Variants in SPIDR observed in about 807,000 individuals in gnomAD.
SPIDR encodes DNA repair-scaffolding protein.
A neutral mutation model predicts 104.6 loss-of-function variants in SPIDR; 93 were observed. The ratio of observed to expected loss-of-function variants is 0.89; its 90% CI spans 0.75 to 1.06. SPIDR has a LOEUF of 1.06. SPIDR is among the 50% of genes least tolerant of loss of function. The probability of loss-of-function intolerance (pLI) is 0.00; values close to 1 mark genes in which losing one functional copy is unlikely to be tolerated. For missense variants in SPIDR, 1,154 were observed against 1,111.2 expected, an observed-to-expected ratio of 1.04 and a Z score of -0.55; for synonymous variants, 431 against 416.9, an observed-to-expected ratio of 1.03 and a Z score of -0.41.
chr8:47,372,928 C>A (rs1554639886), intron 5 of SPIDR, among the ~76,000 whole-genome samples: 1 of 152,244 alleles, frequency 6.6e-6, no homozygotes, highest in African/African-American at 2.4e-5. Flanking sequence ...TAACAGAACA[C>A]TATGCCTGAA....
chr8:47,271,326 A>G (rs934748345), intron 1 of SPIDR, among the ~76,000 whole-genome samples: 5 of 151,910 alleles, frequency 3.3e-5, no homozygotes, highest in Non-Finnish European at 7.4e-5. Context: ...CTTCCTTCTG[A>G]GACTCTTATT....
chr8:47,490,737 A>G (rs1243711427), intron 8 of SPIDR, among the ~76,000 whole-genome samples: 2 of 152,220 alleles, frequency 1.3e-5, no homozygotes, highest in African/African-American at 2.4e-5. Context: ...TCAGCAAACT[A>G]TCGCAAGGAC....
At chr8:47,499,443 C>A (rs1441679909) in intron 8 of SPIDR, among the ~76,000 whole-genome samples, 1 of 152,084 alleles carries the variant, frequency 6.6e-6, no homozygotes, top group East Asian at 1.9e-4. Flanking sequence ...TGGAATGGCT[C>A]TAGAACCACT....
At chr8:47,412,806 T>C (rs59053481) in intron 7 of SPIDR, among the ~76,000 whole-genome samples, 4,737 of 152,306 alleles carry the variant, frequency 0.031, 205 homozygotes, top group African/African-American at 0.1. Context: ...TGACCACTGT[T>C]TCTTATAATC....
At chr8:47,293,777 A>G (rs980518512) in intron 4 of SPIDR, 90 bp from the exon 5 acceptor site, 1 of 1,322,210 alleles carries the variant, frequency 7.6e-7, no homozygotes, top group Non-Finnish European at 1.0e-6. Flanking sequence ...TTATTGAGTG[A>G]CATGGATATA....
chr8:47,490,567 T>C (rs562857401), intron 8 of SPIDR, among the ~76,000 whole-genome samples: 11 of 152,318 alleles, frequency 7.2e-5, no homozygotes, highest in African/African-American at 2.6e-4. Context: ...TGTGGCACTA[T>C]TCACAGTAGC....
At chr8:47,407,408 T>C (rs974323195) in intron 6 of SPIDR, among the ~76,000 whole-genome samples, 4 of 152,338 alleles carry the variant, frequency 2.6e-5, no homozygotes, top group Admixed American at 2.6e-4. Context: ...TACATTTCTT[T>C]GCTCCTATGT....
chr8:47,598,880 GCTT>G, intron 9 of SPIDR, 63 bp from the exon 10 acceptor site: 1 of 1,596,372 alleles, frequency 6.3e-7, no homozygotes, highest in Non-Finnish European at 8.6e-7. Flanking sequence ...GCAGCATGTT[GCTT>G]GTTGTTAGCC....
chr8:47,485,508 T>C (rs1554730449), intron 8 of SPIDR, among the ~76,000 whole-genome samples: 1 of 152,152 alleles, frequency 6.6e-6, no homozygotes, highest in Admixed American at 6.5e-5. Flanking sequence ...AGAGCAGTGG[T>C]TCTCCCAGCA....
intron 8 of SPIDR, among the ~76,000 whole-genome samples, chr8:47,449,401 G>T (rs1370782897): frequency 6.6e-6 from 1 of 152,156 alleles, no homozygotes; most frequent in Non-Finnish European, 1.5e-5. Context: ...AGCTCGTCTG[G>T]GTTTTTAGTA....
chr8:47,525,529 G>A (rs1564227624), intron 8 of SPIDR, among the ~76,000 whole-genome samples: 2 of 53,742 alleles, frequency 3.7e-5, no homozygotes, highest in Non-Finnish European at 9.1e-5. Context: ...AGCTGGGCGC[G>A]GTGGCTCACG....
At chr8:47,415,309 G>T (rs1182713901) in intron 7 of SPIDR, among the ~76,000 whole-genome samples, 1 of 152,044 alleles carries the variant, frequency 6.6e-6, no homozygotes, top group Non-Finnish European at 1.5e-5. Flanking sequence ...GTTTCCCCCG[G>T]TAATGACATC....
chr8:47,662,263 G>A (rs1370605681), intron 10 of SPIDR, among the ~76,000 whole-genome samples: 1 of 152,216 alleles, frequency 6.6e-6, no homozygotes, highest in Non-Finnish European at 1.5e-5. Context: ...AGGGCACCAG[G>A]ATGGACTCAC....
chr8:47,489,640 G>GTACCAAAAC (rs1314251455), intron 8 of SPIDR, among the ~76,000 whole-genome samples: 3 of 152,176 alleles, frequency 2.0e-5, no homozygotes, highest in African/African-American at 7.2e-5. Context: ...CATGGTACTG[G>GTACCAAAAC]TACCAAAACA....
chr8:47,266,681 T>C (rs532896515), intron 1 of SPIDR, among the ~76,000 whole-genome samples: 1 of 152,224 alleles, frequency 6.6e-6, no homozygotes, highest in Non-Finnish European at 1.5e-5. Flanking sequence ...TATAAGAAAC[T>C]GACAAACTTT....
chr8:47,518,337 C>T (rs2083467059), intron 8 of SPIDR, among the ~76,000 whole-genome samples: 1 of 152,226 alleles, frequency 6.6e-6, no homozygotes, highest in Non-Finnish European at 1.5e-5. Context: ...TTGGCTACAA[C>T]ATTCTTGGAA....
At chr8:47,279,623 G>A (rs901698900) in intron 1 of SPIDR, among the ~76,000 whole-genome samples, 30 of 152,262 alleles carry the variant, frequency 2.0e-4, no homozygotes, top group Non-Finnish European at 3.8e-4. Context: ...AGACTTTGGA[G>A]GGTTGGTGGT....
intron 16 of SPIDR, among the ~76,000 whole-genome samples, chr8:47,724,806 C>T (rs1434230063): frequency 6.6e-6 from 1 of 152,200 alleles, no homozygotes; most frequent in Non-Finnish European, 1.5e-5. Flanking sequence ...GCTGGTGTCA[C>T]AAGGCCTCCT....
intron 8 of SPIDR, chr8:47,592,602 CT>C: frequency 8.3e-7 from 1 of 1,211,818 alleles, no homozygotes; most frequent in Non-Finnish European, 1.2e-6. Flanking sequence ...CGGGGCAGCC[CT>C]GCCATCTTAT....
Sources: allele counts gnomAD v4.1 joint callset (sites outside exome capture counted in the v4.1 genomes callset), GRCh38; gene constraint gnomAD v4.1.1; transcripts MANE v1.5; gene names NCBI Gene and HGNC (gene_info 2026-07-23, HGNC 2026-07-21).